DST: variants seen among roughly 807,000 people sequenced by gnomAD.
DST encodes the protein bullous pemphigoid antigen.
DST carries 253 observed loss-of-function variants against 875.2 expected under a neutral mutation model. The observed-to-expected ratio is 0.29, with a 90% CI of 0.26 to 0.32. The LOEUF is 0.32. Among genes scored for constraint, DST ranks in the 10% least tolerant of loss-of-function variants. The pLI is 1.00. For missense variants in DST, 8,287 were observed against 9,111.6 expected, an observed-to-expected ratio of 0.91 and a Z score of 3.68; for synonymous variants, 3,124 against 3,197.1, an observed-to-expected ratio of 0.98 and a Z score of 0.77.
At chr6:56,616,582 G>A (rs1366675096) in intron 36 of DST, 2 of 1,614,102 alleles carry the variant, frequency 1.2e-6, no homozygotes, top group Middle Eastern at 1.6e-4. Flanking sequence ...GCTTGTTATT[G>A]GGATTAGGGA....
At chr6:56,852,362 T>G (rs747906025) in intron 3 of DST, among the ~76,000 whole-genome samples, 8 of 152,184 alleles carry the variant, frequency 5.3e-5, no homozygotes, top group Non-Finnish European at 1.0e-4. Context: ...GCCAATAATG[T>G]AAATGAGAAT....
At chr6:56,680,969 T>C (rs1563646074) in intron 9 of DST, among the ~76,000 whole-genome samples, 1 of 152,206 alleles carries the variant, frequency 6.6e-6, no homozygotes, top group Non-Finnish European at 1.5e-5. Flanking sequence ...AATATCATTT[T>C]ACAAATGACA....
chr6:56,595,778 T>TC (rs2098365675), intron 47 of DST, among the ~76,000 whole-genome samples: 1 of 142,408 alleles, frequency 7.0e-6, no homozygotes, highest in African/African-American at 3.1e-5. Flanking sequence ...ATTCATATGC[T>TC]ACCCCCACCC....
In DST at chr6:56,662,141, A is replaced by C. The variant is rs532954996; in HGVS notation, c.1214+8500T>G. On this transcript the variant is annotated intron_variant, in intron 10 of 103. Coordinates refer to ENST00000680361, the MANE Select transcript of DST (RefSeq NM_001374736.1). ...GCTTAGACCTGCTAAAAGGTAATTA[A>C]CAAGTTAAGAAGTGTTTCTTTCTCA... Among the ~76,000 whole-genome samples, 13 of 152,344 alleles carry C rather than the reference A, an allele frequency of 8.5e-5. No individual in the cohort carries two copies. The East Asian group carries it at 2.3e-3, about 27-fold the overall frequency.
At chr6:56,787,603 A>G (rs574512618) in intron 4 of DST, among the ~76,000 whole-genome samples, 159 of 152,338 alleles carry the variant, frequency 1.0e-3, no homozygotes, top group Non-Finnish European at 1.3e-3. Flanking sequence ...GTAGACTTCT[A>G]TCCTTTAGAA....
At chr6:56,687,352 A>G (rs992229611) in intron 9 of DST, among the ~76,000 whole-genome samples, 1 of 152,204 alleles carries the variant, frequency 6.6e-6, no homozygotes, top group African/African-American at 2.4e-5. Flanking sequence ...CATTATTGCA[A>G]GAGTAAAACC....
intron 82 of DST, 29 bp from the exon 83 acceptor site, chr6:56,494,209 AC>A: frequency 6.5e-7 from 1 of 1,549,464 alleles, no homozygotes; most frequent in Non-Finnish European, 8.7e-7. Flanking sequence ...AAGTTATATC[AC>A]TTTAAGAAAG....
chr6:56,548,872 G>A (rs545622208), intron 61 of DST, among the ~76,000 whole-genome samples: 1 of 152,158 alleles, frequency 6.6e-6, no homozygotes, highest in Non-Finnish European at 1.5e-5. Flanking sequence ...AAAACGTCAA[G>A]CTAACTAACA....
chr6:56,858,187 G>A (rs1256261747), intron 3 of DST, among the ~76,000 whole-genome samples: 1 of 148,610 alleles, frequency 6.7e-6, no homozygotes, highest in Non-Finnish European at 1.5e-5. Flanking sequence ...GAGCCTGGGT[G>A]GAGGTGAGAG....
chr6:56,719,989 G>A (rs1463147577), intron 5 of DST, among the ~76,000 whole-genome samples: 1 of 152,196 alleles, frequency 6.6e-6, no homozygotes, highest in Non-Finnish European at 1.5e-5. Flanking sequence ...AGACACCACT[G>A]TCACTGATAA....
At position 56,573,052 on chromosome 6, in the gene DST, C is replaced by G; in HGVS notation, c.13249G>C (p.Asp4417His). 1 of 1,565,748 alleles carries G rather than the reference C, an allele frequency of 6.4e-7. No individual in the cohort carries two copies. The highest frequency in any genetic ancestry group is 8.6e-7 in the Non-Finnish European group (1 of 1,157,840). ...IISKNIMLEQ[D>H]IAGRQSSINA... The stretch of plus-strand genomic sequence containing the variant: ...ATACTGCTCTGACGACCTGCAATAT[C>G]CTGTTCCAACATCTAAAATAAACCA... Residue 4417 changes from aspartate to histidine, a missense_variant, in exon 52 of 104, where the codon GAT becomes CAT. By Grantham distance (81) the Asp-to-His change is moderately conservative. Around this residue, in one of 10 missense-constraint regions of DST, gnomAD observed 1,513 missense variants for 1,677.8 expected, o/e 0.90. Coordinates refer to ENST00000680361, the MANE Select transcript of DST (RefSeq NM_001374736.1).
At chr6:56,493,203 A>G (rs1336196040) in intron 83 of DST, 114 bp from the exon 84 acceptor site, 1 of 795,780 alleles carries the variant, frequency 1.3e-6, no homozygotes, top group East Asian at 2.9e-5. Context: ...ATTTATGCAT[A>G]TCTATTAATA....
chr6:56,622,932 G>A (rs937759333), intron 36 of DST, among the ~76,000 whole-genome samples: 1 of 152,078 alleles, frequency 6.6e-6, no homozygotes. Flanking sequence ...TTCTGCTTTA[G>A]ACCAAGGTTT....
chr6:56,679,599 TAAAAAAA>T (rs1165137050), intron 9 of DST, among the ~76,000 whole-genome samples: 64 of 111,862 alleles, frequency 5.7e-4, no homozygotes, highest in Admixed American at 3.9e-3. Flanking sequence ...TATGTCTCAT[TAAAAAAA>T]AAAAAAAAAA....
At position 56,635,784 on chromosome 6, in the gene DST, A is replaced by T. The variant is rs557876974; in HGVS notation, c.3061-70T>A. 8.2e-4 allele frequency: 1,259 copies of T among 1,534,990 alleles called. 3 individuals are homozygous for T. The highest frequency in any genetic ancestry group is 1.1e-3 in the Non-Finnish European group (1,189 of 1,115,300). Reference sequence around the variant, plus strand: ...GCAAAGCACACAGTTGTCACACTCCAATACCAAGGTCCTATGTGTACCCCT... The same window carrying T: ...GCAAAGCACACAGTTGTCACACTCCTATACCAAGGTCCTATGTGTACCCCT... On this transcript the variant is annotated intron_variant, in intron 23 of 103. Coordinates refer to ENST00000680361, the MANE Select transcript of DST (RefSeq NM_001374736.1).
chr6:56,597,019 T>A (rs746777945), intron 47 of DST, among the ~76,000 whole-genome samples: 3 of 152,048 alleles, frequency 2.0e-5, no homozygotes, highest in Non-Finnish European at 4.4e-5. Flanking sequence ...GTGGGCGGAA[T>A]GCTTGAGCCC....
chr6:56,554,488 C>T (rs1202955388), intron 60 of DST, among the ~76,000 whole-genome samples: 3 of 152,074 alleles, frequency 2.0e-5, no homozygotes, highest in Non-Finnish European at 4.4e-5. Flanking sequence ...AGACCCCAGG[C>T]AAATGATTAA....
intron 4 of DST, among the ~76,000 whole-genome samples, chr6:56,789,488 TAAGTA>T (rs2099711302): frequency 6.6e-6 from 1 of 152,238 alleles, no homozygotes; most frequent in African/African-American, 2.4e-5. Flanking sequence ...TAACCATTTC[TAAGTA>T]TAGTTTATTA....
At chr6:56,524,420 A>G (rs2096760758) in intron 69 of DST, among the ~76,000 whole-genome samples, 1 of 152,150 alleles carries the variant, frequency 6.6e-6, no homozygotes, top group South Asian at 2.1e-4. Flanking sequence ...TTTTAGAAAA[A>G]AAATGGTTTA....
Sources: allele counts gnomAD v4.1 joint callset (sites outside exome capture counted in the v4.1 genomes callset), GRCh38; gene constraint gnomAD v4.1.1; regional missense constraint gnomAD v4.1.1; transcripts MANE v1.5; gene names NCBI Gene and HGNC (gene_info 2026-07-23, HGNC 2026-07-21).